Variants in GRHL1 observed in about 807,000 individuals in gnomAD.
The protein encoded by GRHL1 is grainyhead-like protein 1 homolog.
In GRHL1, 38 loss-of-function variants were observed where a neutral mutation model predicts 75.7. The ratio of observed to expected loss-of-function variants is 0.50; its 90% CI spans 0.39 to 0.66. GRHL1 has a LOEUF of 0.66. GRHL1 is among the 30% of genes least tolerant of loss of function. The pLI, the probability that GRHL1 is intolerant of heterozygous loss-of-function variation, is 0.00. For synonymous variants in GRHL1, 266 were observed against 279.4 expected (o/e 0.95, Z 0.48); for missense variants, 589 against 767.5 (o/e 0.77, Z 2.75).
intron 9 of GRHL1, among the ~76,000 whole-genome samples, chr2:9,988,238 C>G (rs1668505965): frequency 6.6e-6 from 1 of 152,192 alleles, no homozygotes; most frequent in Admixed American, 6.5e-5. Flanking sequence ...CTAGGCGGAT[C>G]TGGAGCTGTG....
At chr2:9,973,855 C>T (rs931060408) in intron 8 of GRHL1, among the ~76,000 whole-genome samples, 7 of 152,148 alleles carry the variant, frequency 4.6e-5, no homozygotes, top group African/African-American at 1.4e-4. Context: ...GGCCTGTGTC[C>T]ACGACCGCTG....
intron 9 of GRHL1, among the ~76,000 whole-genome samples, chr2:9,989,853 T>C (rs1427363718): frequency 1.3e-5 from 2 of 151,982 alleles, no homozygotes; most frequent in African/African-American, 4.8e-5. Flanking sequence ...CCCAGCCCAC[T>C]TGTTCTCTTT....
At chr2:9,983,705 C>A (rs1668296106) in intron 8 of GRHL1, among the ~76,000 whole-genome samples, 1 of 151,684 alleles carries the variant, frequency 6.6e-6, no homozygotes, top group Non-Finnish European at 1.5e-5. Context: ...AGAAAAAATT[C>A]GGATTTTCCA....
chr2:9,996,496 T>C, intron 14 of GRHL1, 95 bp downstream of exon 14: 1 of 887,584 alleles, frequency 1.1e-6, no homozygotes, highest in Non-Finnish European at 1.9e-6. Context: ...CCAAATCCTT[T>C]GTCAGACCTT....
At chr2:9,966,642 A>G (rs184160141) in intron 8 of GRHL1, among the ~76,000 whole-genome samples, 1 of 152,214 alleles carries the variant, frequency 6.6e-6, no homozygotes, top group African/African-American at 2.4e-5. Context: ...GGTGCTGACT[A>G]TTAGGGTTTC....
chr2:9,964,153 T>C, intron 6 of GRHL1, 82 bp from the exon 7 acceptor site: 1 of 1,323,106 alleles, frequency 7.6e-7, no homozygotes, highest in Non-Finnish European at 1.1e-6. Flanking sequence ...AAGCCTTCAC[T>C]GTAAAATATA....
intron 8 of GRHL1, among the ~76,000 whole-genome samples, chr2:9,974,526 G>A (rs891479501): frequency 1.1e-4 from 16 of 150,324 alleles, no homozygotes; most frequent in Admixed American, 3.3e-4. Context: ...GACAGCAGGC[G>A]ATACTGATGT....
Position 9,965,392 on chromosome 2 carries a change from A to T in GRHL1, c.1110+11A>T. 2 of 1,476,178 alleles carry T rather than the reference A, an allele frequency of 1.4e-6. No homozygotes were observed. The highest frequency in any genetic ancestry group is 1.9e-6 in the Non-Finnish European group (2 of 1,055,352). 91.4% of individuals were successfully genotyped at this position (1,476,178 alleles called of 1,614,324 possible). A position where few individuals can be genotyped will look rare whatever the true frequency, so the allele number is the denominator to read the frequency against. On this transcript the variant is annotated intron_variant, in intron 8 of 15. Coordinates refer to ENST00000324907, the MANE Select transcript of GRHL1 (RefSeq NM_198182.3). The stretch of plus-strand genomic sequence containing the variant: ...AACGATGAAGCAAAGGTGGGTGGTG[A>T]GGTCTGGGCGCCTTATGTCCAGCCA...
intron 8 of GRHL1, among the ~76,000 whole-genome samples, chr2:9,973,244 G>A (rs899712687): frequency 2.0e-5 from 3 of 152,156 alleles, no homozygotes; most frequent in South Asian, 2.1e-4. Context: ...CAGAGCAGGC[G>A]TGTTGGGGTT....
At chr2:9,998,807 TAC>T (rs1669106651) in intron 14 of GRHL1, among the ~76,000 whole-genome samples, 156 bp from the exon 15 acceptor site, 2 of 66,940 alleles carry the variant, frequency 3.0e-5, no homozygotes, top group African/African-American at 9.9e-5. Context: ...CACATATATA[TAC>T]GTATATATAT....
At chr2:9,964,425 A>T in intron 7 of GRHL1, 79 bp downstream of exon 7, 1 of 757,512 alleles carries the variant, frequency 1.3e-6, no homozygotes. Context: ...TTTGGCAGTG[A>T]TCAGCTTCCT....
intron 8 of GRHL1, among the ~76,000 whole-genome samples, chr2:9,983,017 T>C (rs538544583): frequency 6.6e-6 from 1 of 152,322 alleles, no homozygotes; most frequent in East Asian, 1.9e-4. Context: ...GCTCAAATGC[T>C]TTGATGTTCA....
At chr2:9,999,299 C>T (rs746055938) in intron 15 of GRHL1, among the ~76,000 whole-genome samples, 1 of 152,234 alleles carries the variant, frequency 6.6e-6, no homozygotes, top group Non-Finnish European at 1.5e-5. Context: ...AATTGATCTG[C>T]CTTGAGGAGA....
chr2:9,964,965 CAGG>C (rs1455899585), intron 7 of GRHL1: 1 of 251,934 alleles, frequency 4.0e-6, no homozygotes, highest in Non-Finnish European at 7.5e-6. Context: ...GTTTCCTTTT[CAGG>C]AGAATGAGAA....
intron 9 of GRHL1, 78 bp downstream of exon 9, chr2:9,986,360 A>C: frequency 1.1e-6 from 1 of 886,926 alleles, no homozygotes; most frequent in Non-Finnish European, 1.7e-6. Flanking sequence ...TTAATATTTA[A>C]TGTCAAAATG....
In GRHL1 at chr2:9,998,621, TACACATATAC is replaced by T. The variant is rs1349440169; in HGVS notation, c.1678-342_1678-333del. On this transcript the variant is annotated intron_variant, in intron 14 of 15. Transcript: ENST00000324907. ...ACACATATATATATACATATATATG[TACACATATAC>T]ATATATATGTACACATATACATATA... is the stretch of plus-strand genomic sequence containing the variant. Among the ~76,000 whole-genome samples the T allele has an allele frequency of 7.2e-4, 33 of 45,704 alleles. 11 individuals carry two copies. Among genetic ancestry groups the T allele is most frequent in the African/African-American group, 2.4e-3 (14 of 5,944 alleles). 30.0% of individuals were successfully genotyped at this position (45,704 alleles called of 152,430 possible).
In GRHL1 at chr2:9,992,845, C is replaced by T. The variant is rs970982446; in HGVS notation, c.1462-362C>T. Among the ~76,000 whole-genome samples, 3 of 152,188 alleles carry T rather than the reference C, an allele frequency of 2.0e-5. No homozygotes were observed. The highest frequency in any genetic ancestry group is 2.0e-4 in the Admixed American group (3 of 15,276). On this transcript the variant is annotated intron_variant, in intron 11 of 15. Coordinates refer to ENST00000324907, the MANE Select transcript of GRHL1 (RefSeq NM_198182.3). The surrounding 1 kb of genome is among the most constrained non-coding windows in gnomAD (Gnocchi z 4.6). ...CTGGAGGTGAGCAGGGGTTAGCACA[C>T]TGTTTTTGTGAAGGGCTGGGCCGTA...
chr2:9,979,194 G>A (rs1466821762), intron 8 of GRHL1, among the ~76,000 whole-genome samples: 3 of 123,454 alleles, frequency 2.4e-5, no homozygotes, highest in African/African-American at 9.0e-5. Flanking sequence ...CTGTCATAAA[G>A]TTGCTTCATA....
chr2:9,974,224 C>T (rs557252807), intron 8 of GRHL1, among the ~76,000 whole-genome samples: 95 of 152,302 alleles, frequency 6.2e-4, no homozygotes, highest in African/African-American at 1.9e-3. Context: ...GCCTGAGGCT[C>T]AATCACAGCT....
Sources: allele counts gnomAD v4.1 joint callset (sites outside exome capture counted in the v4.1 genomes callset), GRCh38; gene constraint gnomAD v4.1.1; non-coding constraint Gnocchi (gnomAD v3.1); transcripts MANE v1.5; gene names NCBI Gene and HGNC (gene_info 2026-07-23, HGNC 2026-07-21).